Variants in RPS6KA2 observed in about 807,000 individuals in gnomAD.
The protein encoded by RPS6KA2 is ribosomal protein S6 kinase A2, also known as ribosomal protein S6 kinase alpha-2.
RPS6KA2 carries 42 observed loss-of-function variants against 91.8 expected under a neutral mutation model. The ratio of observed to expected loss-of-function variants is 0.46; its 90% CI spans 0.36 to 0.59. The LOEUF (loss-of-function observed/expected upper bound fraction) is 0.59, where lower values mean the gene tolerates loss of function less well. Ranked by LOEUF, RPS6KA2 falls within the 20% of genes least tolerant of loss-of-function variation. The pLI, the probability that RPS6KA2 is intolerant of heterozygous loss-of-function variation, is 0.00. For missense variants in RPS6KA2, 798 were observed against 978.5 expected (o/e 0.82, Z 2.46); for synonymous variants, 414 against 393.6 (o/e 1.05, Z -0.61).
intron 2 of RPS6KA2, among the ~76,000 whole-genome samples, chr6:166,713,658 G>A (rs1216751401): frequency 6.6e-6 from 1 of 152,204 alleles, no homozygotes; most frequent in Non-Finnish European, 1.5e-5. Flanking sequence ...TATGTGTTCT[G>A]GAAGCAAAAC....
intron 3 of RPS6KA2, among the ~76,000 whole-genome samples, chr6:166,524,401 C>T (rs1782956350): frequency 1.3e-5 from 2 of 152,146 alleles, no homozygotes; most frequent in Non-Finnish European, 2.9e-5. Context: ...GAAGGAATTC[C>T]ACACTGCAAG....
intron 11 of RPS6KA2, among the ~76,000 whole-genome samples, chr6:166,469,469 T>C (rs770364639): frequency 6.6e-6 from 1 of 152,140 alleles, no homozygotes; most frequent in Non-Finnish European, 1.5e-5. Context: ...CTTTTGTCTG[T>C]TCAGCCCTTG....
chr6:166,742,682 C>A (rs922385497), intron 2 of RPS6KA2, among the ~76,000 whole-genome samples: 20 of 152,214 alleles, frequency 1.3e-4, no homozygotes, highest in African/African-American at 4.3e-4. Flanking sequence ...CTTCTCTCCA[C>A]TGCACCCACC....
chr6:166,752,531 A>G (rs1455376778), intron 2 of RPS6KA2, among the ~76,000 whole-genome samples: 1 of 152,230 alleles, frequency 6.6e-6, no homozygotes, highest in Admixed American at 6.5e-5. Flanking sequence ...AAGAACATTA[A>G]TGGGTTATTA....
At chr6:166,656,085 G>T (rs145526555) in intron 2 of RPS6KA2, among the ~76,000 whole-genome samples, 1 of 152,212 alleles carries the variant, frequency 6.6e-6, no homozygotes, top group Non-Finnish European at 1.5e-5. Context: ...GGAAGCTCAC[G>T]CCTAGAACCG....
In RPS6KA2 at chr6:166,635,031, A is replaced by C. The variant is rs2128547288; in HGVS notation, c.124-96247T>G. 6.6e-6 allele frequency among the ~76,000 whole-genome samples: 1 copy of C among 152,350 alleles called. No homozygotes were observed. Among genetic ancestry groups the C allele is most frequent in the South Asian group, 2.1e-4 (1 of 4,830 alleles). ...TTTTTTAAAATATGAGGAAAATGAG[A>C]CCATAATTTTTAAATTATAATAATT... is the stretch of plus-strand genomic sequence containing the variant. On this transcript the variant is annotated intron_variant, in intron 2 of 21. Coordinates refer to the RPS6KA2 transcript ENST00000503859. The surrounding 1 kb of genome is among the most constrained non-coding windows in gnomAD (Gnocchi z 4.8).
intron 2 of RPS6KA2, among the ~76,000 whole-genome samples, chr6:166,729,681 C>A (rs1790453545): frequency 6.6e-6 from 1 of 152,202 alleles, no homozygotes; most frequent in African/African-American, 2.4e-5. Flanking sequence ...GCAATGTTTT[C>A]CTCTAACGTA....
At chr6:166,600,737 GA>G (rs762999711) in intron 1 of RPS6KA2, among the ~76,000 whole-genome samples, 2 of 152,218 alleles carry the variant, frequency 1.3e-5, no homozygotes. Context: ...TAGCGTATTT[GA>G]AGTAAAATGA....
chr6:166,538,212 G>C (rs555765140), intron 2 of RPS6KA2, among the ~76,000 whole-genome samples: 4 of 152,148 alleles, frequency 2.6e-5, no homozygotes, highest in Non-Finnish European at 5.9e-5. Flanking sequence ...GGTGAGGAGG[G>C]GAGCCGGCTG....
At chr6:166,704,412 T>G (rs1789618165) in intron 2 of RPS6KA2, among the ~76,000 whole-genome samples, 1 of 152,246 alleles carries the variant, frequency 6.6e-6, no homozygotes, top group Non-Finnish European at 1.5e-5. Flanking sequence ...AAAACACACG[T>G]GTAACTGATA....
chr6:166,807,284 G>A (rs1323631469), intron 2 of RPS6KA2, among the ~76,000 whole-genome samples: 1 of 152,090 alleles, frequency 6.6e-6, no homozygotes, highest in Non-Finnish European at 1.5e-5. Flanking sequence ...CCTGACACTC[G>A]TGATCATTTC....
At position 166,627,119 on chromosome 6, in the gene RPS6KA2, G is replaced by A. The variant is rs1414401539; in HGVS notation, c.-100C>T. The A allele has an allele frequency of 2.6e-6, 3 of 1,174,160 alleles. No individual in the cohort carries two copies. The highest frequency in any genetic ancestry group is 3.8e-5 in the East Asian group (1 of 26,044). The allele number at this position is 1,174,160 out of a possible 1,614,324, so 72.7% of individuals were successfully genotyped here. On this transcript the variant is annotated 5_prime_UTR_variant, in exon 1 of 21. Transcript: ENST00000265678. ...GTCCGCGGGCGGGCACGCGTGGCCAGGGAGCCCGGCACGGCGGCCATGGGC... is the reference window on the plus strand; with the variant it reads ...GTCCGCGGGCGGGCACGCGTGGCCAAGGAGCCCGGCACGGCGGCCATGGGC...
rs59141029 is a variant in RPS6KA2 at position 166,737,676 on chromosome 6, C to A, written c.123+120524G>T. On this transcript the variant is annotated intron_variant, in intron 2 of 21. Coordinates refer to the RPS6KA2 transcript ENST00000503859. The surrounding 1 kb of genome is among the most constrained non-coding windows in gnomAD (Gnocchi z 4.3). The stretch of plus-strand genomic sequence containing the variant: ...TTTCCAGGCTAACGTCCGGATAATC[C>A]CCCCAGGTACCTGGGCCATGGATCT... Among the ~76,000 whole-genome samples, 6,999 of 152,150 alleles carry A rather than the reference C, an allele frequency of 0.046. 395 individuals are homozygous for A. The highest frequency in any genetic ancestry group is 0.13 in the African/African-American group (5,345 of 41,474).
In RPS6KA2 at chr6:166,635,826, G is replaced by C. The variant is rs949181929; in HGVS notation, c.124-97042C>G. The stretch of plus-strand genomic sequence containing the variant: ...GGGGAGAAGGCTGCATCCACCCCAG[G>C]AGGGTGACCTGGGTGTGTCCGGTAA... On this transcript the variant is annotated intron_variant, in intron 2 of 21. Transcript: ENST00000503859. This position sits in a 1 kb window ranked among gnomAD's most constrained non-coding sequence, Gnocchi z 4.8. Among the ~76,000 whole-genome samples, 1 of 151,918 alleles carries C rather than the reference G, an allele frequency of 6.6e-6. No homozygotes were observed. The highest frequency in any genetic ancestry group is 6.5e-5 in the Admixed American group (1 of 15,272).
At chr6:166,420,514 A>C (rs1778686232) in intron 17 of RPS6KA2, among the ~76,000 whole-genome samples, 1 of 152,170 alleles carries the variant, frequency 6.6e-6, no homozygotes, top group Admixed American at 6.5e-5. Flanking sequence ...TCTTTCTGTG[A>C]CTGGCCCATT....
chr6:166,804,093 C>A (rs1255287180), intron 2 of RPS6KA2, among the ~76,000 whole-genome samples: 2 of 151,876 alleles, frequency 1.3e-5, no homozygotes, highest in African/African-American at 2.4e-5. Context: ...TTCCTTAATT[C>A]ATAATTCTAT....
intron 2 of RPS6KA2, among the ~76,000 whole-genome samples, chr6:166,810,216 C>T (rs983156943): frequency 6.6e-6 from 1 of 152,144 alleles, no homozygotes; most frequent in African/African-American, 2.4e-5. Context: ...CCACCTAGTC[C>T]CGCCCTCAAC....
At chr6:166,725,467 T>TCCGAG (rs1355785314) in intron 2 of RPS6KA2, among the ~76,000 whole-genome samples, 10 of 152,194 alleles carry the variant, frequency 6.6e-5, no homozygotes, top group Non-Finnish European at 1.2e-4. Context: ...CCCTTCAGCC[T>TCCGAG]CCTAGCCCAG....
At position 166,490,917 on chromosome 6, in the gene RPS6KA2, C is replaced by T. The variant is rs1283749185; in HGVS notation, c.748-176G>A. 1.3e-5 allele frequency among the ~76,000 whole-genome samples: 2 copies of T among 152,204 alleles called. No homozygotes were observed. Among genetic ancestry groups the T allele is most frequent in the Admixed American group, 6.5e-5 (1 of 15,286 alleles). ...GGTACAACAGTGACTAAAACTGCCT[C>T]GCAGAGCTTGCCATTTGGTGGGTGA... On this transcript the variant is annotated intron_variant, in intron 8 of 20. Coordinates refer to ENST00000265678, the MANE Select transcript of RPS6KA2 (RefSeq NM_021135.6). This position sits in a 1 kb window ranked among gnomAD's most constrained non-coding sequence, Gnocchi z 4.2.
Sources: allele counts gnomAD v4.1 joint callset (sites outside exome capture counted in the v4.1 genomes callset), GRCh38; gene constraint gnomAD v4.1.1; non-coding constraint Gnocchi (gnomAD v3.1); transcripts MANE v1.5; gene names NCBI Gene and HGNC (gene_info 2026-07-23, HGNC 2026-07-21).